CORIN: variants seen among roughly 807,000 people sequenced by gnomAD.
The protein encoded by CORIN is corin, serine peptidase.
CORIN carries 117 observed loss-of-function variants against 125.3 expected under a neutral mutation model. That is an observed-to-expected ratio of 0.93 (90% CI 0.80 to 1.09). The LOEUF (loss-of-function observed/expected upper bound fraction) is 1.09, where lower values mean the gene tolerates loss of function less well. Ranked by LOEUF, CORIN falls within the 50% of genes least tolerant of loss-of-function variation. The probability of loss-of-function intolerance (pLI) is 0.00; values close to 1 mark genes in which losing one functional copy is unlikely to be tolerated. For synonymous variants in CORIN, 450 were observed against 466.4 expected (o/e 0.96, Z 0.45); for missense variants, 1,253 against 1,306.7 (o/e 0.96, Z 0.63).
chr4:47,688,191 T>A (rs915216098), intron 6 of CORIN, among the ~76,000 whole-genome samples: 2 of 152,208 alleles, frequency 1.3e-5, no homozygotes, highest in African/African-American at 4.8e-5. Flanking sequence ...CAATCCAGCT[T>A]CTAGTAATCT....
intron 3 of CORIN, among the ~76,000 whole-genome samples, chr4:47,781,285 A>G (rs73150666): frequency 0.012 from 1,864 of 152,314 alleles, 52 homozygotes; most frequent in African/African-American, 0.042. Flanking sequence ...GGGATGACTC[A>G]CTTATGATGG....
chr4:47,821,585 G>T (rs1022009569), intron 1 of CORIN, among the ~76,000 whole-genome samples: 32 of 152,108 alleles, frequency 2.1e-4, no homozygotes, highest in Non-Finnish European at 4.1e-4. Context: ...TTGATAAAAA[G>T]AAAAGAAGGC....
chr4:47,804,731 TGGGG>T (rs1315776794), intron 2 of CORIN, among the ~76,000 whole-genome samples: 1 of 13,456 alleles, frequency 7.4e-5, no homozygotes, highest in Admixed American at 1.1e-3. Flanking sequence ...TGGTGGGGGG[TGGGG>T]AGGGGGGGGG....
At position 47,821,374 on chromosome 4, in the gene CORIN, T is replaced by TTA. The variant is rs897441291; in HGVS notation, c.64-14329_64-14328dup. Among the ~76,000 whole-genome samples the TTA allele has an allele frequency of 4.2e-4, 63 of 150,656 alleles. No individual in the cohort carries two copies. The East Asian group carries it at 5.6e-3, about 13-fold the overall frequency. Reference sequence around the variant, plus strand: ...ATTAATTAATATTTATTATAGGTACTTATATATATATAATATTAGAATTAT... The same window carrying TTA: ...ATTAATTAATATTTATTATAGGTACTTATATATATATATAATATTAGAATTAT... On this transcript the variant is annotated intron_variant, in intron 1 of 21. Transcript: ENST00000273857.
intron 3 of CORIN, 39 bp downstream of exon 3, chr4:47,786,686 A>T: frequency 6.6e-7 from 1 of 1,524,644 alleles, no homozygotes; most frequent in Admixed American, 1.7e-5. Context: ...TACCTGTGGG[A>T]CATTAAAAGC....
chr4:47,602,257 T>C (rs772747725), intron 20 of CORIN, among the ~76,000 whole-genome samples: 2 of 151,964 alleles, frequency 1.3e-5, no homozygotes, highest in Non-Finnish European at 2.9e-5. Flanking sequence ...GGTGACAGAG[T>C]GAGACTCCGT....
chr4:47,636,848 G>C (rs1193476833), intron 16 of CORIN, among the ~76,000 whole-genome samples: 1 of 152,164 alleles, frequency 6.6e-6, no homozygotes, highest in East Asian at 1.9e-4. Context: ...GGTACCAGCA[G>C]AGTGGGGTGC....
At chr4:47,757,924 A>G (rs1729258672) in intron 4 of CORIN, among the ~76,000 whole-genome samples, 1 of 147,886 alleles carries the variant, frequency 6.8e-6, no homozygotes, top group Non-Finnish European at 1.5e-5. Flanking sequence ...ATACACATAT[A>G]TATATTTGAG....
At chr4:47,674,872 G>C (rs1291157498) in intron 9 of CORIN, among the ~76,000 whole-genome samples, 2 of 152,158 alleles carry the variant, frequency 1.3e-5, no homozygotes, top group East Asian at 3.9e-4. Context: ...TTGAAATTCT[G>C]AATATTAAGT....
At chr4:47,639,080 C>G (rs1317157) in intron 16 of CORIN, among the ~76,000 whole-genome samples, 39,717 of 151,936 alleles carry the variant, frequency 0.26, 5,425 homozygotes, top group Admixed American at 0.36. Flanking sequence ...TTGATAAATT[C>G]CCTCCAAAAT....
At chr4:47,627,250 T>C (rs748920770) in intron 16 of CORIN, among the ~76,000 whole-genome samples, 5 of 152,178 alleles carry the variant, frequency 3.3e-5, no homozygotes, top group Non-Finnish European at 7.4e-5. Context: ...CCCAAACTGC[T>C]AGGATTACAG....
intron 9 of CORIN, among the ~76,000 whole-genome samples, chr4:47,675,414 A>G (rs1449540308): frequency 6.6e-6 from 1 of 152,240 alleles, no homozygotes; most frequent in Non-Finnish European, 1.5e-5. Context: ...TGTGCAAATT[A>G]ATACACAAAG....
intron 20 of CORIN, 108 bp downstream of exon 20, chr4:47,603,289 C>T (rs1721518701): frequency 8.5e-7 from 1 of 1,182,606 alleles, no homozygotes; most frequent in African/African-American, 1.5e-5. Flanking sequence ...CTGAGGCCTC[C>T]CCATCCCTGC....
chr4:47,788,326 A>T (rs939828659), intron 2 of CORIN, among the ~76,000 whole-genome samples: 12 of 152,212 alleles, frequency 7.9e-5, no homozygotes, highest in Non-Finnish European at 1.3e-4. Flanking sequence ...GGAAAACATT[A>T]ACTACAAATA....
chr4:47,717,723 G>A (rs1727158889), intron 5 of CORIN, among the ~76,000 whole-genome samples: 1 of 152,132 alleles, frequency 6.6e-6, no homozygotes, highest in Admixed American at 6.5e-5. Context: ...CAATCTGTTA[G>A]ACCTCTAAAG....
intron 2 of CORIN, among the ~76,000 whole-genome samples, chr4:47,788,696 T>C (rs1730930368): frequency 6.6e-6 from 1 of 152,224 alleles, no homozygotes; most frequent in South Asian, 2.1e-4. Flanking sequence ...TGCTTATTTT[T>C]GGCATAAAGA....
intron 3 of CORIN, among the ~76,000 whole-genome samples, chr4:47,783,112 CAT>C (rs1408722772): frequency 6.6e-6 from 1 of 151,910 alleles, no homozygotes; most frequent in Non-Finnish European, 1.5e-5. Flanking sequence ...TATTGTGTTC[CAT>C]ATTATCTTTT....
intron 7 of CORIN, chr4:47,681,525 A>G (rs1251299756): frequency 1.3e-5 from 2 of 152,060 alleles, no homozygotes; most frequent in Non-Finnish European, 2.9e-5. Context: ...AACGACACTC[A>G]CTCATTTTCA....
intron 3 of CORIN, among the ~76,000 whole-genome samples, chr4:47,780,483 T>A (rs1165403658): frequency 6.6e-6 from 1 of 151,880 alleles, no homozygotes; most frequent in African/African-American, 2.4e-5. Context: ...AGTGAATAAA[T>A]AAGGTAAAAA....
Sources: allele counts gnomAD v4.1 joint callset (sites outside exome capture counted in the v4.1 genomes callset), GRCh38; gene constraint gnomAD v4.1.1; transcripts MANE v1.5; gene names NCBI Gene and HGNC (gene_info 2026-07-23, HGNC 2026-07-21).